Variants in GPC5 observed in about 807,000 individuals in gnomAD.
GPC5 encodes glypican-5.
A neutral mutation model predicts 53.9 loss-of-function variants in GPC5; 47 were observed. That is an observed-to-expected ratio of 0.87 (90% CI 0.69 to 1.11). The LOEUF (loss-of-function observed/expected upper bound fraction) is 1.11, where lower values mean the gene tolerates loss of function less well. Ranked by LOEUF, GPC5 falls within the 50% of genes most tolerant of loss-of-function variation. The pLI is 0.00. For missense variants in GPC5, 748 were observed against 713.1 expected (o/e 1.05, Z -0.56); for synonymous variants, 286 against 263.3 (o/e 1.09, Z -0.84).
intron 2 of GPC5, among the ~76,000 whole-genome samples, chr13:91,532,153 A>G (rs982129361): frequency 6.6e-6 from 1 of 152,244 alleles, no homozygotes; most frequent in African/African-American, 2.4e-5. Context: ...AGAGTTTAAT[A>G]TGATTTTGAC....
intron 7 of GPC5, among the ~76,000 whole-genome samples, chr13:92,713,374 C>T (rs191107910): frequency 7.3e-4 from 108 of 148,324 alleles, no homozygotes; most frequent in African/African-American, 2.6e-3. Flanking sequence ...GGGTGGATCA[C>T]GAGGTCAGGA....
At chr13:91,502,255 T>C (rs540253548) in intron 2 of GPC5, among the ~76,000 whole-genome samples, 177 of 152,232 alleles carry the variant, frequency 1.2e-3, no homozygotes, top group African/African-American at 4.1e-3. Flanking sequence ...TTTAATTAGA[T>C]CCCATTTGTC....
intron 7 of GPC5, among the ~76,000 whole-genome samples, chr13:92,432,857 T>C (rs79501560): frequency 0.013 from 2,031 of 152,198 alleles, 42 homozygotes; most frequent in African/African-American, 0.047. Flanking sequence ...CCTTTCCTTT[T>C]GTATGTGTAG....
chr13:92,342,219 C>G (rs900487579), intron 7 of GPC5, among the ~76,000 whole-genome samples: 2 of 152,064 alleles, frequency 1.3e-5, no homozygotes, highest in African/African-American at 2.4e-5. Context: ...TCATGGTGCC[C>G]ACTGCTCTGA....
At chr13:91,654,612 G>A (rs1371282219) in intron 2 of GPC5, among the ~76,000 whole-genome samples, 4 of 152,134 alleles carry the variant, frequency 2.6e-5, no homozygotes, top group African/African-American at 4.8e-5. Context: ...TGAATTGTGA[G>A]TATTTTAATA....
chr13:92,119,567 A>ATTTTTTTT (rs59391576), intron 6 of GPC5, among the ~76,000 whole-genome samples: 3 of 70,614 alleles, frequency 4.2e-5, no homozygotes, highest in Non-Finnish European at 7.4e-5. Flanking sequence ...CGCCTGGCTA[A>ATTTTTTTT]TTTTTTTTTT....
chr13:91,648,605 T>A (rs189725152), intron 2 of GPC5, among the ~76,000 whole-genome samples: 2 of 152,156 alleles, frequency 1.3e-5, no homozygotes, highest in African/African-American at 4.8e-5. Flanking sequence ...ACAAAAAAAT[T>A]AGTAAATTTT....
intron 2 of GPC5, among the ~76,000 whole-genome samples, chr13:91,452,652 G>T (rs2139110825): frequency 6.6e-6 from 1 of 152,120 alleles, no homozygotes; most frequent in East Asian, 1.9e-4. Flanking sequence ...GTGATGCATG[G>T]AGAAATAGGG....
At chr13:92,385,506 A>ATATATACATATATG (rs1482818987) in intron 7 of GPC5, among the ~76,000 whole-genome samples, 1 of 133,134 alleles carries the variant, frequency 7.5e-6, no homozygotes, top group East Asian at 2.3e-4. Context: ...ACATACATAT[A>ATATATACATATATG]CATATATACA....
intron 7 of GPC5, among the ~76,000 whole-genome samples, chr13:92,390,849 C>T (rs1209305969): frequency 6.6e-6 from 1 of 152,024 alleles, no homozygotes; most frequent in African/African-American, 2.4e-5. Flanking sequence ...ATTTGTGTAT[C>T]AGAGTCTATT....
chr13:92,092,167 A>G (rs1022275691), intron 6 of GPC5, among the ~76,000 whole-genome samples: 4 of 152,204 alleles, frequency 2.6e-5, no homozygotes, highest in African/African-American at 9.6e-5. Flanking sequence ...CTGAGCAGCC[A>G]ACAATGAAAA....
chr13:92,740,960 G>GTATATATATATATATATATATA (rs1555308306), intron 7 of GPC5, among the ~76,000 whole-genome samples: 2 of 117,752 alleles, frequency 1.7e-5, no homozygotes, highest in African/African-American at 6.6e-5. Context: ...ATATGTATGT[G>GTATATATATATATATATATATA]TATATATATA....
chr13:91,907,867 G>A, intron 5 of GPC5, 70 bp from the exon 6 acceptor site: 2 of 1,519,908 alleles, frequency 1.3e-6, no homozygotes, highest in Non-Finnish European at 8.9e-7. Context: ...CCTCAAATAT[G>A]TTCAGATAGC....
intron 7 of GPC5, among the ~76,000 whole-genome samples, chr13:92,615,230 T>C (rs1884641330): frequency 6.6e-6 from 1 of 151,082 alleles, no homozygotes; most frequent in African/African-American, 2.5e-5. Context: ...TAGCAGTTGT[T>C]CTTATGTTGA....
intron 7 of GPC5, among the ~76,000 whole-genome samples, chr13:92,361,619 G>A (rs2043567867): frequency 6.6e-6 from 1 of 151,616 alleles, no homozygotes; most frequent in Non-Finnish European, 1.5e-5. Context: ...GGTGGGTTTG[G>A]AGGATCAACC....
chr13:91,997,186 G>A (rs1208554349), intron 6 of GPC5, among the ~76,000 whole-genome samples: 1 of 152,018 alleles, frequency 6.6e-6, no homozygotes, highest in Non-Finnish European at 1.5e-5. Flanking sequence ...TATATATGAT[G>A]GTTCTGTTTT....
At chr13:92,509,969 G>A (rs1388733136) in intron 7 of GPC5, 1 of 152,096 alleles carries the variant, frequency 6.6e-6, no homozygotes, top group Non-Finnish European at 1.5e-5. Context: ...TACTCTAAAT[G>A]TTGTAAGCTT....
chr13:92,536,013 A>T (rs1881711165), intron 7 of GPC5, among the ~76,000 whole-genome samples: 1 of 152,134 alleles, frequency 6.6e-6, no homozygotes, highest in African/African-American at 2.4e-5. Flanking sequence ...TTTTCAGGAT[A>T]TATTTTTCAT....
chr13:91,814,776 G>T (rs2038374515), intron 5 of GPC5, among the ~76,000 whole-genome samples: 1 of 151,870 alleles, frequency 6.6e-6, no homozygotes, highest in Non-Finnish European at 1.5e-5. Context: ...CCTGACTTCA[G>T]GTGATCCGCC....
Sources: allele counts gnomAD v4.1 joint callset (sites outside exome capture counted in the v4.1 genomes callset), GRCh38; gene constraint gnomAD v4.1.1; transcripts MANE v1.5; gene names NCBI Gene and HGNC (gene_info 2026-07-23, HGNC 2026-07-21).